Variants in CLIC5 observed in about 807,000 individuals in gnomAD.
CLIC5 encodes the protein chloride intracellular channel protein 5.
A neutral mutation model predicts 24.7 loss-of-function variants in CLIC5; 20 were observed. That is an observed-to-expected ratio of 0.81 (90% CI 0.57 to 1.18). CLIC5 has a LOEUF of 1.18. Ranked by LOEUF, CLIC5 falls within the 50% of genes most tolerant of loss-of-function variation. CLIC5 has a pLI of 0.00. For missense variants in CLIC5, 341 were observed against 326.1 expected (o/e 1.05, Z -0.35); for synonymous variants, 159 against 135.6 (o/e 1.17, Z -1.20).
intron 1 of CLIC5, among the ~76,000 whole-genome samples, chr6:46,049,525 A>G (rs1768045602): frequency 1.3e-5 from 2 of 152,214 alleles, no homozygotes; most frequent in African/African-American, 4.8e-5. Flanking sequence ...CGCCCTCAGT[A>G]TTAAGCAGAG....
intron 5 of CLIC5, among the ~76,000 whole-genome samples, chr6:45,906,910 A>G (rs1253566266): frequency 6.6e-6 from 1 of 152,242 alleles, no homozygotes; most frequent in Non-Finnish European, 1.5e-5. Flanking sequence ...TATCAGTTCC[A>G]GAAGCCTTCT....
intron 1 of CLIC5, among the ~76,000 whole-genome samples, chr6:45,966,900 G>A (rs1355832417): frequency 1.3e-5 from 2 of 152,152 alleles, no homozygotes; most frequent in Non-Finnish European, 2.9e-5. Context: ...TATTTTTATG[G>A]TTGCATCTCC....
chr6:45,937,955 G>A (rs1763997639), intron 4 of CLIC5, among the ~76,000 whole-genome samples: 1 of 152,142 alleles, frequency 6.6e-6, no homozygotes, highest in African/African-American at 2.4e-5. Context: ...ATTTTGAGAG[G>A]GCAGAAAAGG....
chr6:45,996,120 TAA>T (rs59715080), intron 1 of CLIC5, among the ~76,000 whole-genome samples: 27 of 128,286 alleles, frequency 2.1e-4, no homozygotes, highest in East Asian at 2.2e-4. Flanking sequence ...ACCTCAGAAC[TAA>T]AAAAAAAAAA....
intron 4 of CLIC5, among the ~76,000 whole-genome samples, chr6:45,922,780 G>A (rs189991751): frequency 1.1e-4 from 17 of 150,916 alleles, no homozygotes; most frequent in African/African-American, 3.6e-4. Flanking sequence ...CTGCCTGAAT[G>A]TTTATTTATC....
chr6:45,919,042 A>G (rs1161955067), intron 4 of CLIC5: 2 of 985,296 alleles, frequency 2.0e-6, no homozygotes, highest in Non-Finnish European at 2.4e-6. Context: ...TTCAACTGCT[A>G]TGGTCTTCCT....
chr6:45,912,470 T>G (rs754486903), intron 5 of CLIC5: 22 of 1,258,572 alleles, frequency 1.7e-5, no homozygotes, highest in Non-Finnish European at 2.0e-5. Context: ...GGTTTTTGAG[T>G]GGTAGTGAAT....
intron 4 of CLIC5, among the ~76,000 whole-genome samples, chr6:45,927,809 T>C (rs541621855): frequency 8.3e-4 from 126 of 152,300 alleles, no homozygotes; most frequent in African/African-American, 3.0e-3. Context: ...CTCCTCATTA[T>C]AGAAAATATA....
chr6:46,079,231 G>A (rs975269726), intron 1 of CLIC5, among the ~76,000 whole-genome samples: 2 of 152,156 alleles, frequency 1.3e-5, no homozygotes, highest in Non-Finnish European at 2.9e-5. Context: ...TTATATTGGT[G>A]CCAAAGGGGC....
At chr6:45,947,558 T>C (rs566220832) in intron 3 of CLIC5, among the ~76,000 whole-genome samples, 1 of 152,242 alleles carries the variant, frequency 6.6e-6, no homozygotes, top group Non-Finnish European at 1.5e-5. Flanking sequence ...CTAATGATCA[T>C]GACGGAAGCC....
intron 1 of CLIC5, among the ~76,000 whole-genome samples, chr6:46,058,198 A>C (rs1768314504): frequency 6.6e-6 from 1 of 152,210 alleles, no homozygotes; most frequent in South Asian, 2.1e-4. Flanking sequence ...CATATAGCAG[A>C]CATGAATTTT....
chr6:45,951,630 A>G (rs1764470782), intron 2 of CLIC5, among the ~76,000 whole-genome samples: 1 of 152,194 alleles, frequency 6.6e-6, no homozygotes, highest in South Asian at 2.1e-4. Context: ...GGGGAGGGTT[A>G]CACTAAAAAT....
intron 6 of CLIC5, among the ~76,000 whole-genome samples, chr6:45,887,043 G>A (rs185229752): frequency 2.9e-4 from 44 of 152,244 alleles, no homozygotes; most frequent in African/African-American, 1.0e-3. Flanking sequence ...CACCTTTGAC[G>A]CAGCAGACAG....
intron 1 of CLIC5, among the ~76,000 whole-genome samples, chr6:45,984,379 C>G (rs896448567): frequency 6.6e-6 from 1 of 152,128 alleles, no homozygotes; most frequent in African/African-American, 2.4e-5. Context: ...GTGGAAGGGA[C>G]ATTTGACAGG....
At chr6:46,093,376 G>A in the CLIC5 span, among the ~76,000 whole-genome samples, 4 of 152,030 alleles carry the variant, frequency 2.6e-5, no homozygotes, top group Non-Finnish European at 5.9e-5. Context: ...GCAGATTTTT[G>A]ATTCAGCAGG....
At chr6:46,108,595 C>T in the CLIC5 span, among the ~76,000 whole-genome samples, 1 of 152,058 alleles carries the variant, frequency 6.6e-6, no homozygotes, top group African/African-American at 2.4e-5. Flanking sequence ...GACAGGGTTT[C>T]ACCATGTTGG....
chr6:45,974,516 TATATATAGAGAGAG>T (rs1243656621), intron 1 of CLIC5, among the ~76,000 whole-genome samples: 360 of 89,924 alleles, frequency 4.0e-3, no homozygotes, highest in South Asian at 8.5e-3. Flanking sequence ...TATATATATA[TATATATAGAGAGAG>T]AGAGAGAGAG....
At chr6:46,061,836 A>T (rs1581911076) in intron 1 of CLIC5, among the ~76,000 whole-genome samples, 2 of 152,086 alleles carry the variant, frequency 1.3e-5, no homozygotes, top group Non-Finnish European at 2.9e-5. Context: ...GGACATGAAA[A>T]CTCATCTGTC....
intron 1 of CLIC5, among the ~76,000 whole-genome samples, chr6:46,015,159 G>A (rs1355951287): frequency 3.3e-5 from 5 of 152,234 alleles, no homozygotes; most frequent in African/African-American, 1.2e-4. Context: ...GACACCTGGA[G>A]ACGTCTTTCA....
Sources: allele counts gnomAD v4.1 joint callset (sites outside exome capture counted in the v4.1 genomes callset), GRCh38; gene constraint gnomAD v4.1.1; transcripts MANE v1.5; gene names NCBI Gene and HGNC (gene_info 2026-07-23, HGNC 2026-07-21).